The following P4HA1 variants were observed in gnomAD, a reference collection of about 807,000 sequenced individuals.
P4HA1 encodes prolyl 4-hydroxylase subunit alpha 1, also known as prolyl 4-hydroxylase subunit alpha-1.
A neutral mutation model predicts 72.8 loss-of-function variants in P4HA1; 24 were observed. The ratio of observed to expected loss-of-function variants is 0.33; its 90% CI spans 0.24 to 0.46. The LOEUF (loss-of-function observed/expected upper bound fraction) is 0.46, where lower values mean the gene tolerates loss of function less well. Among genes scored for constraint, P4HA1 ranks in the 20% least tolerant of loss-of-function variants. The probability of loss-of-function intolerance (pLI) is 1.00; values close to 1 mark genes in which losing one functional copy is unlikely to be tolerated. For synonymous variants in P4HA1, 201 were observed against 218.8 expected (o/e 0.92, Z 0.72); for missense variants, 446 against 640.6 (o/e 0.70, Z 3.28).
chr10:73,050,679 G>A (rs1840997651), intron 7 of P4HA1, among the ~76,000 whole-genome samples: 1 of 151,146 alleles, frequency 6.6e-6, no homozygotes, highest in South Asian at 2.1e-4. Context: ...TAGCCTGGGT[G>A]GCAGGGTGAG....
intron 9 of P4HA1, among the ~76,000 whole-genome samples, chr10:73,038,641 T>C (rs1319770119): frequency 9.5e-6 from 1 of 105,290 alleles, no homozygotes; most frequent in Admixed American, 8.5e-5. Context: ...TTTTTTTTTT[T>C]TTTGAGACGG....
chr10:73,085,386 A>C (rs1015352916), intron 1 of P4HA1, among the ~76,000 whole-genome samples: 1 of 146,624 alleles, frequency 6.8e-6, no homozygotes, highest in Non-Finnish European at 1.5e-5. Context: ...GAACTCAATA[A>C]TTTTTTTTTT....
chr10:73,014,156 C>T, intron 12 of P4HA1, 68 bp downstream of exon 12: 1 of 1,076,734 alleles, frequency 9.3e-7, no homozygotes. Flanking sequence ...ACAGAACAAA[C>T]TTAAAACATT....
chr10:73,094,821 A>G (rs934699221), intron 1 of P4HA1, among the ~76,000 whole-genome samples: 1 of 152,226 alleles, frequency 6.6e-6, no homozygotes, highest in African/African-American at 2.4e-5. Context: ...CTTTTTTTCA[A>G]TAGTCTTTTG....
At chr10:73,035,926 C>T (rs573418450) in intron 9 of P4HA1, among the ~76,000 whole-genome samples, 119 of 152,256 alleles carry the variant, frequency 7.8e-4, no homozygotes, top group African/African-American at 2.8e-3. Context: ...CAGTGGCTCA[C>T]GCCTGTAATC....
intron 14 of P4HA1, among the ~76,000 whole-genome samples, chr10:73,009,219 A>C (rs1228259634): frequency 6.6e-6 from 1 of 152,164 alleles, no homozygotes; most frequent in Non-Finnish European, 1.5e-5. Context: ...ATTGAAATGG[A>C]TACATGGGGC....
intron 5 of P4HA1, among the ~76,000 whole-genome samples, chr10:73,057,708 A>G (rs1274684801): frequency 2.6e-5 from 4 of 152,158 alleles, no homozygotes; most frequent in Non-Finnish European, 5.9e-5. Flanking sequence ...GCTTCTTAAC[A>G]ATGTGTTTCA....
chr10:73,048,994 C>T (rs12258140), intron 7 of P4HA1, among the ~76,000 whole-genome samples: 4,487 of 152,032 alleles, frequency 0.03, 209 homozygotes, highest in African/African-American at 0.096. Flanking sequence ...ATTAGCTGGG[C>T]GTGGTGGCAG....
intron 4 of P4HA1, among the ~76,000 whole-genome samples, chr10:73,070,836 T>C (rs919613849): frequency 6.6e-6 from 1 of 152,154 alleles, no homozygotes; most frequent in Non-Finnish European, 1.5e-5. Flanking sequence ...GTTCACATTA[T>C]AAAACAACTT....
At position 73,008,091 on chromosome 10, in the gene P4HA1, T is replaced by C. The variant is rs1839832080; in HGVS notation, c.*131A>G. 1.9e-6 allele frequency: 1 copy of C among 537,296 alleles called. No individual in the cohort carries two copies. The highest frequency in any genetic ancestry group is 3.4e-6 in the Non-Finnish European group (1 of 294,534). The allele number at this position is 537,296 out of a possible 1,614,324, so 33.3% of individuals were successfully genotyped here. ...TAAGCAATTGTCCACAGATGAAACATGGGATGAGGTTCATGACTGAATCAA... is the reference window on the plus strand; with the variant it reads ...TAAGCAATTGTCCACAGATGAAACACGGGATGAGGTTCATGACTGAATCAA... On this transcript the variant is annotated 3_prime_UTR_variant, in exon 15 of 15. Coordinates refer to ENST00000394890, the MANE Select transcript of P4HA1 (RefSeq NM_001017962.3).
intron 6 of P4HA1, among the ~76,000 whole-genome samples, chr10:73,051,589 G>A (rs747488995): frequency 3.3e-5 from 5 of 152,066 alleles, no homozygotes; most frequent in South Asian, 4.2e-4. Flanking sequence ...GTGAAACCTC[G>A]TCTCTACTAA....
intron 1 of P4HA1, 46 bp from the exon 2 acceptor site, chr10:73,074,961 A>C: frequency 1.4e-6 from 1 of 705,054 alleles, no homozygotes. Context: ...AAAAATACAA[A>C]GAGAAGGAAA....
chr10:73,050,610 G>C (rs1840995593), intron 7 of P4HA1, among the ~76,000 whole-genome samples: 1 of 150,812 alleles, frequency 6.6e-6, no homozygotes, highest in Admixed American at 6.6e-5. Flanking sequence ...TGAGGCAGGT[G>C]AATCGCTTGA....
At chr10:73,056,661 A>C (rs2133105470) in intron 5 of P4HA1, among the ~76,000 whole-genome samples, 1 of 152,062 alleles carries the variant, frequency 6.6e-6, no homozygotes, top group East Asian at 1.9e-4. Flanking sequence ...AATAAAAATA[A>C]AAAATACCCC....
chr10:73,016,938 A>G (rs1207118026), intron 10 of P4HA1, 39 bp from the exon 11 acceptor site: 2 of 1,526,148 alleles, frequency 1.3e-6, no homozygotes, highest in Non-Finnish European at 1.8e-6. Flanking sequence ...AAAGAACTAT[A>G]AAGATTACTA....
rs544357852 is a variant in P4HA1, at chr10:73,052,859, T to G, written c.703+492A>C. On this transcript the variant is annotated intron_variant, in intron 6 of 14. Coordinates refer to ENST00000394890, the MANE Select transcript of P4HA1 (RefSeq NM_001017962.3). The stretch of plus-strand genomic sequence containing the variant: ...TTTCTAACAAGTATCCAAGTAATTC[T>G]GATGCACGTGGTGCTTGGGCCATAC... 7.5e-4 allele frequency among the ~76,000 whole-genome samples: 114 copies of G among 152,360 alleles called. 1 individual carries two copies. Among genetic ancestry groups the G allele is most frequent in the African/African-American group, 2.5e-3 (105 of 41,586 alleles).
At chr10:73,019,321 G>A (rs538261422) in intron 10 of P4HA1, among the ~76,000 whole-genome samples, 53 of 152,194 alleles carry the variant, frequency 3.5e-4, no homozygotes, top group African/African-American at 1.2e-3. Flanking sequence ...AGAGCCAATT[G>A]TTCCACTAGA....
chr10:73,025,949 G>A lies in P4HA1; in HGVS notation c.1248+4322C>T, dbSNP rs188665497. 3.2e-3 allele frequency among the ~76,000 whole-genome samples: 489 copies of A among 152,266 alleles called. 2 individuals carry two copies. The highest frequency in any genetic ancestry group is 0.011 in the African/African-American group (455 of 41,540). ...GGAGAACTACAAACCACTGCTCAAC[G>A]AAATAAAAGAGGACACAAATGGAAG... On this transcript the variant is annotated intron_variant, in intron 10 of 14. Coordinates refer to ENST00000394890, the MANE Select transcript of P4HA1 (RefSeq NM_001017962.3).
Position 73,074,807 on chromosome 10 carries a change from C to T in P4HA1, c.76+1G>A. The T allele has an allele frequency of 6.7e-7, 1 of 1,492,458 alleles. No individual in the cohort carries two copies. The highest frequency in any genetic ancestry group is 9.3e-7 in the Non-Finnish European group (1 of 1,070,982). The allele number at this position is 1,492,458 out of a possible 1,614,324, so 92.5% of individuals were successfully genotyped here. On this transcript the variant is annotated splice_donor_variant, in intron 2 of 14. Transcript: ENST00000394890. LOFTEE classifies it high-confidence loss of function. ...AAAAAACAACAAGTAGTAAGACTTA[C>T]CAATTGAAGTAAAAAAGCCTGGATG...
Sources: gnomAD v4.1 joint callset for allele counts (sites outside exome capture counted in the v4.1 genomes callset) on GRCh38, gnomAD v4.1.1 for gene constraint, MANE v1.5 for transcripts, NCBI Gene and HGNC (gene_info 2026-07-23, HGNC 2026-07-21) for gene names.